Variants in EMB observed in about 807,000 individuals in gnomAD.
EMB encodes the protein embigin homolog.
Under a neutral mutation model 41.4 loss-of-function variants are expected in EMB, and 31 were observed. The observed-to-expected ratio is 0.75, with a 90% confidence interval of 0.56 to 1.01. The LOEUF (loss-of-function observed/expected upper bound fraction) is 1.01, where lower values mean the gene tolerates loss of function less well. Ranked by LOEUF, EMB falls within the 50% of genes least tolerant of loss-of-function variation. The probability of loss-of-function intolerance (pLI) is 0.00; values close to 1 mark genes in which losing one functional copy is unlikely to be tolerated. For synonymous variants in EMB, 137 were observed against 140.4 expected (o/e 0.98, Z 0.17); for missense variants, 379 against 388.3 (o/e 0.98, Z 0.20).
chr5:50,428,311 T>C, intron 1 of EMB, 84 bp from the exon 2 acceptor site: 2 of 1,282,498 alleles, frequency 1.6e-6, no homozygotes, highest in Non-Finnish European at 2.1e-6. Context: ...GCTAAAACAC[T>C]GTTGTGAACT....
intron 8 of EMB, among the ~76,000 whole-genome samples, chr5:50,399,656 C>A (rs1393280118): frequency 6.6e-6 from 1 of 151,940 alleles, no homozygotes; most frequent in Non-Finnish European, 1.5e-5. Context: ...AGATTAGTTG[C>A]TATGTGCCCT....
At chr5:50,421,763 G>A in intron 2 of EMB, among the ~76,000 whole-genome samples, 1 of 152,008 alleles carries the variant, frequency 6.6e-6, no homozygotes, top group East Asian at 1.9e-4. Flanking sequence ...GATGAAGCTG[G>A]AAACCATCAT....
At chr5:50,442,894 TAAAG>T (rs1198801840), upstream of EMB, 1 of 152,166 alleles carries the variant, frequency 6.6e-6, no homozygotes, top group Non-Finnish European at 1.5e-5. Flanking sequence ...TCACCCTTCT[TAAAG>T]AAACATTTTT....
chr5:50,432,021 C>T (rs1328723015), intron 1 of EMB, among the ~76,000 whole-genome samples: 1 of 152,120 alleles, frequency 6.6e-6, no homozygotes, highest in Non-Finnish European at 1.5e-5. Flanking sequence ...AATAAACATG[C>T]TATAATTCTA....
rs1353570139 is a variant in EMB, at chr5:50,397,351, A to G, written c.*1922T>C. The G allele has an allele frequency of 6.6e-6, 1 of 152,110 alleles. No homozygotes were observed. The highest frequency in any genetic ancestry group is 2.4e-5 in the African/African-American group (1 of 41,422). The allele number at this position is 152,110 out of a possible 1,614,324, so 9.4% of individuals were successfully genotyped here. A position where few individuals can be genotyped will look rare whatever the true frequency, so the allele number is the denominator to read the frequency against. On this transcript the variant is annotated 3_prime_UTR_variant, in exon 9 of 9. Transcript: ENST00000303221. The stretch of plus-strand genomic sequence containing the variant: ...TTTCCTATTTAAGGTTACTGAGATA[A>G]ATTGTCTTTGCTAGAAAAAAATAAA...
At chr5:50,437,797 G>A (rs1348875535) in intron 1 of EMB, among the ~76,000 whole-genome samples, 4 of 152,140 alleles carry the variant, frequency 2.6e-5, no homozygotes, top group Admixed American at 1.3e-4. Flanking sequence ...CAAAAGCCAC[G>A]TCCTCTGGAA....
At chr5:50,405,642 G>A in intron 5 of EMB, 83 bp downstream of exon 5, 1 of 1,478,860 alleles carries the variant, frequency 6.8e-7, no homozygotes, top group Non-Finnish European at 9.0e-7. Context: ...TCTTAGGAAT[G>A]CTGAGTCTGT....
intron 2 of EMB, among the ~76,000 whole-genome samples, chr5:50,413,552 T>A (rs956727427): frequency 1.5e-4 from 23 of 152,058 alleles, no homozygotes; most frequent in African/African-American, 5.3e-4. Flanking sequence ...ATTCTACAAA[T>A]AAATGATCTG....
chr5:50,416,842 C>T (rs1745437880), intron 2 of EMB, among the ~76,000 whole-genome samples: 2 of 152,166 alleles, frequency 1.3e-5, no homozygotes, highest in African/African-American at 4.8e-5. Context: ...CATGGCTACA[C>T]CCAGAAGTTA....
chr5:50,428,468 C>CTT lies in EMB; in HGVS notation c.113-243_113-242dup, dbSNP rs1016989893. ...ATCCCTACTGACTTACATCAGATGG[C>CTT]TTTTTTTAAATAACGCCTTCCATTT... is the stretch of plus-strand genomic sequence containing the variant. On this transcript the variant is annotated intron_variant, in intron 1 of 8. Transcript: ENST00000303221. 6.3e-5 allele frequency: 71 copies of CTT among 1,135,196 alleles called. No homozygotes were observed. The African/African-American group carries it at 1.1e-3, about 17-fold the overall frequency. The allele number at this position is 1,135,196 out of a possible 1,614,324, so 70.3% of individuals were successfully genotyped here. A position where few individuals can be genotyped will look rare whatever the true frequency, so the allele number is the denominator to read the frequency against.
rs115134683 is a variant in EMB at position 50,420,668 on chromosome 5, G to T, written c.196+7476C>A. ...ACTGAAACATACACTGTATGACATC[G>T]GGGGAGGAGGGCAGAAAGGGAAGTC... On this transcript the variant is annotated intron_variant, in intron 2 of 8. Coordinates refer to ENST00000303221, the MANE Select transcript of EMB (RefSeq NM_198449.3). Among the ~76,000 whole-genome samples the T allele has an allele frequency of 4.7e-3, 710 of 152,220 alleles. 5 individuals carry two copies. Among genetic ancestry groups the T allele is most frequent in the African/African-American group, 0.016 (678 of 41,534 alleles).
At chr5:50,418,921 A>C (rs1210724669) in intron 2 of EMB, among the ~76,000 whole-genome samples, 1 of 152,240 alleles carries the variant, frequency 6.6e-6, no homozygotes, top group East Asian at 1.9e-4. Flanking sequence ...TTTACACTAG[A>C]TACTTCATCT....
chr5:50,402,981 G>C (rs1375792137), intron 6 of EMB, among the ~76,000 whole-genome samples, 197 bp downstream of exon 6: 1 of 150,562 alleles, frequency 6.6e-6, no homozygotes, highest in Non-Finnish European at 1.5e-5. Flanking sequence ...GAAGACCATG[G>C]GTATATGTTT....
chr5:50,439,962 A>C (rs1745869818), intron 1 of EMB, among the ~76,000 whole-genome samples: 1 of 152,198 alleles, frequency 6.6e-6, no homozygotes, highest in Non-Finnish European at 1.5e-5. Context: ...GGTTGGATGG[A>C]ATCCTTTCAA....
intron 2 of EMB, among the ~76,000 whole-genome samples, chr5:50,424,316 A>G (rs1745575347): frequency 6.6e-6 from 1 of 152,184 alleles, no homozygotes; most frequent in Non-Finnish European, 1.5e-5. Flanking sequence ...TTTCAAAACA[A>G]CTCATTTTTA....
At position 50,403,301 on chromosome 5, in the gene EMB, G is replaced by A. The variant is rs1385543108; in HGVS notation, c.754C>T (p.Leu252Phe). ...QLGESEEHIE[L>F]VVLSYLVPLK... Reference sequence around the variant, plus strand: ...GGCACCAAATAGCTCAGCACCACAAGCTCAATGTGTTCTTCACTCTCGCCT... The same window carrying A: ...GGCACCAAATAGCTCAGCACCACAAACTCAATGTGTTCTTCACTCTCGCCT... The change falls in exon 6 of 9, where the codon CTT becomes TTT. Residue 252 changes from leucine to phenylalanine, a missense_variant. Coordinates refer to ENST00000303221, the MANE Select transcript of EMB (RefSeq NM_198449.3). 1.9e-6 allele frequency: 3 copies of A among 1,612,836 alleles called. No individual in the cohort carries two copies. Among genetic ancestry groups the A allele is most frequent in the East Asian group, 2.2e-5 (1 of 44,836 alleles).
At chr5:50,419,612 G>A (rs1745484606) in intron 2 of EMB, among the ~76,000 whole-genome samples, 1 of 151,030 alleles carries the variant, frequency 6.6e-6, no homozygotes, top group African/African-American at 2.4e-5. Context: ...GCTACAATTA[G>A]TGAAGACTGG....
Position 50,411,279 on chromosome 5 carries a change from C to G in EMB, c.301G>C (p.Val101Leu). 1 of 1,613,116 alleles carries G rather than the reference C, an allele frequency of 6.2e-7. No individual in the cohort carries two copies. The highest frequency in any genetic ancestry group is 8.5e-7 in the Non-Finnish European group (1 of 1,179,430). ...TTSGDLNAVN[V>L]TWKKDGEQLE... ...TGTTCACCATCTTTTTTCCAAGTCA[C>G]ATTTACTGCATTCAAATCCCCAGAT... The change falls in exon 3 of 9, where the codon GTG becomes CTG. Residue 101 changes from valine (V) to leucine (L), a missense_variant. By Grantham distance (32) the Val-to-Leu change is conservative (BLOSUM62 1). Coordinates refer to ENST00000303221, the MANE Select transcript of EMB (RefSeq NM_198449.3).
Position 50,396,757 on chromosome 5 carries a change from A to AG in EMB, c.*2515_*2516insC, listed in dbSNP as rs1350527944. On this transcript the variant is annotated 3_prime_UTR_variant, in exon 9 of 9. Coordinates refer to ENST00000303221, the MANE Select transcript of EMB (RefSeq NM_198449.3). ...CAGGCAGCCACGCAAAAGAGGGATT[A>AG]ATAGAAAAGGAGACTGAGGTAGGAA... The AG allele has an allele frequency of 6.0e-5, 9 of 150,994 alleles. No individual in the cohort carries two copies. Among genetic ancestry groups the AG allele is most frequent in the African/African-American group, 2.2e-4 (9 of 40,738 alleles). 9.4% of individuals were successfully genotyped at this position (150,994 alleles called of 1,614,324 possible).
Sources: gnomAD v4.1 joint callset for allele counts (sites outside exome capture counted in the v4.1 genomes callset) on GRCh38, gnomAD v4.1.1 for gene constraint, MANE v1.5 for transcripts, NCBI Gene and HGNC (gene_info 2026-07-23, HGNC 2026-07-21) for gene names.